The following DGKB variants were observed in gnomAD, a reference collection of about 807,000 sequenced individuals.
The protein encoded by DGKB is diacylglycerol kinase beta, also known as 90 kDa diacylglycerol kinase.
In DGKB, 67 loss-of-function variants were observed where a neutral mutation model predicts 114.3. That is an observed-to-expected ratio of 0.59 (90% CI 0.48 to 0.72). DGKB has a LOEUF of 0.72. DGKB is among the 30% of genes least tolerant of loss of function. The pLI is 0.00. For synonymous variants in DGKB, 398 were observed against 323.1 expected (o/e 1.23, Z -2.49); for missense variants, 907 against 975.2 (o/e 0.93, Z 0.93).
Position 14,170,145 on chromosome 7 carries a change from A to AAAAAAAAG in DGKB, c.2304+6693_2304+6694insCTTTTTTT, listed in dbSNP as rs1369239302. Among the ~76,000 whole-genome samples the AAAAAAAAG allele has an allele frequency of 1.6e-3, 162 of 99,996 alleles. 2 individuals carry two copies. Among genetic ancestry groups the AAAAAAAAG allele is most frequent in the Non-Finnish European group, 2.6e-3 (133 of 50,586 alleles). The allele number at this position is 99,996 out of a possible 152,430, so 65.6% of individuals were successfully genotyped here. On this transcript the variant is annotated intron_variant, in intron 25 of 25. Coordinates refer to ENST00000402815, the MANE Select transcript of DGKB (RefSeq NM_001350709.2). ...GAGAAACTCCATCTCAAAAAAAAAA[A>AAAAAAAAG]AAAGAAAGAAAGAAAGAAAGAAAGA...
chr7:14,239,031 G>C (rs928203882), intron 23 of DGKB, among the ~76,000 whole-genome samples: 3 of 151,972 alleles, frequency 2.0e-5, no homozygotes, highest in Non-Finnish European at 4.4e-5. Flanking sequence ...CACTCCCACT[G>C]CCTAACTTTG....
chr7:14,225,064 G>A (rs1213870606), intron 23 of DGKB, among the ~76,000 whole-genome samples: 1 of 151,956 alleles, frequency 6.6e-6, no homozygotes, highest in East Asian at 1.9e-4. Flanking sequence ...CATTTCCAAA[G>A]AATCCACCAA....
At chr7:14,517,973 A>C (rs1789120726) in intron 20 of DGKB, among the ~76,000 whole-genome samples, 1 of 152,160 alleles carries the variant, frequency 6.6e-6, no homozygotes, top group Admixed American at 6.6e-5. Context: ...ATACGCCCAA[A>C]GGGATATTAA....
At chr7:14,468,644 CAAAT>C in intron 21 of DGKB, among the ~76,000 whole-genome samples, 1 of 151,304 alleles carries the variant, frequency 6.6e-6, no homozygotes, top group Non-Finnish European at 1.5e-5. Flanking sequence ...TTTAATTTAA[CAAAT>C]ACTTCCTGAA....
At chr7:14,918,615 C>G (rs76797622) in intron 1 of DGKB, among the ~76,000 whole-genome samples, 2,128 of 151,924 alleles carry the variant, frequency 0.014, 54 homozygotes, top group African/African-American at 0.049. Flanking sequence ...CAAAGGAGAG[C>G]TAAATAAATA....
In DGKB at chr7:14,393,022, G is replaced by A. The variant is rs1821631295; in HGVS notation, c.1836-47631C>T. Among the ~76,000 whole-genome samples, 4 of 2,614 alleles carry A rather than the reference G, an allele frequency of 1.5e-3. No individual in the cohort carries two copies. In the South Asian group the frequency reaches 0.059, roughly 38 times the overall value. The allele number at this position is 2,614 out of a possible 152,430, so 1.7% of individuals were successfully genotyped here. On this transcript the variant is annotated intron_variant, in intron 21 of 25. Coordinates refer to ENST00000402815, the MANE Select transcript of DGKB (RefSeq NM_001350709.2). ...TTTTTTTTTTTTGAGACGGAGTCTCGCTATCGCCCAGGCTGGAGTGCAGTG... is the reference window on the plus strand; with the variant it reads ...TTTTTTTTTTTTGAGACGGAGTCTCACTATCGCCCAGGCTGGAGTGCAGTG...
At chr7:14,431,374 A>AT (rs1369560043) in intron 21 of DGKB, among the ~76,000 whole-genome samples, 3 of 152,172 alleles carry the variant, frequency 2.0e-5, no homozygotes, top group South Asian at 4.2e-4. Context: ...TACAACAGAC[A>AT]TTTTTTCTGC....
At chr7:14,461,146 C>A (rs1238522552) in intron 21 of DGKB, among the ~76,000 whole-genome samples, 3 of 152,124 alleles carry the variant, frequency 2.0e-5, no homozygotes, top group Non-Finnish European at 4.4e-5. Context: ...CAGGAAAGAG[C>A]AGGAAAGGTC....
intron 21 of DGKB, among the ~76,000 whole-genome samples, chr7:14,463,535 T>C (rs933450590): frequency 1.3e-5 from 2 of 152,176 alleles, no homozygotes; most frequent in Admixed American, 1.3e-4. Context: ...ACTGCACTCA[T>C]CTTACAGTAT....
rs1193023157 is a variant in DGKB at position 14,467,168 on chromosome 7, ATATT to A, written c.1835+10989_1835+10992del. On this transcript the variant is annotated intron_variant, in intron 21 of 25. Transcript: ENST00000402815. ...TTTATATAAGCTAATTGTCATAAAT[ATATT>A]TATTTATATAATTATTTTATTACTT... is the stretch of plus-strand genomic sequence containing the variant. 5.3e-5 allele frequency among the ~76,000 whole-genome samples: 8 copies of A among 149,630 alleles called. No homozygotes were observed. The East Asian group carries it at 1.2e-3, about 22-fold the overall frequency.
chr7:14,522,448 A>G (rs1789943442), intron 20 of DGKB, among the ~76,000 whole-genome samples: 1 of 152,172 alleles, frequency 6.6e-6, no homozygotes, highest in South Asian at 2.1e-4. Flanking sequence ...AATGCACCAT[A>G]TAAATGTGCA....
intron 22 of DGKB, among the ~76,000 whole-genome samples, chr7:14,343,430 C>T (rs1177801332): frequency 6.6e-6 from 1 of 151,682 alleles, no homozygotes; most frequent in Non-Finnish European, 1.5e-5. Context: ...GGATCAAAAC[C>T]ACTTAATTTT....
intron 23 of DGKB, among the ~76,000 whole-genome samples, chr7:14,230,294 G>A (rs1056325741): frequency 1.3e-5 from 2 of 151,882 alleles, no homozygotes; most frequent in African/African-American, 4.8e-5. Flanking sequence ...CACATAAATT[G>A]ATGAATGCTT....
At chr7:14,928,304 C>T (rs1187115390) in intron 1 of DGKB, among the ~76,000 whole-genome samples, 1 of 151,884 alleles carries the variant, frequency 6.6e-6, no homozygotes, top group Non-Finnish European at 1.5e-5. Context: ...CTTTAACCAT[C>T]TAAATACCTA....
intron 21 of DGKB, among the ~76,000 whole-genome samples, chr7:14,422,044 TA>T (rs1826796526): frequency 6.6e-6 from 1 of 152,040 alleles, no homozygotes; most frequent in Admixed American, 6.6e-5. Flanking sequence ...AAGGTATATA[TA>T]AAAATATTGA....
intron 13 of DGKB, among the ~76,000 whole-genome samples, chr7:14,667,531 C>A (rs4027159): frequency 0.84 from 127,639 of 152,016 alleles, 53,663 homozygotes; most frequent in East Asian, 0.89. Flanking sequence ...GAAGATTAGC[C>A]AAAGAAACTG....
intron 16 of DGKB, among the ~76,000 whole-genome samples, chr7:14,611,923 T>C (rs1250951445): frequency 6.6e-6 from 1 of 151,720 alleles, no homozygotes; most frequent in Non-Finnish European, 1.5e-5. Context: ...GTGGAAAGTT[T>C]TCTTTTTTTG....
At chr7:14,626,803 C>T (rs1281037689) in intron 14 of DGKB, among the ~76,000 whole-genome samples, 5 of 151,952 alleles carry the variant, frequency 3.3e-5, no homozygotes, top group Non-Finnish European at 5.9e-5. Flanking sequence ...ATATAATAAA[C>T]GATATAAGGT....
chr7:14,705,780 C>T lies in DGKB; in HGVS notation c.467-4050G>A, dbSNP rs555326047. Among the ~76,000 whole-genome samples, 788 of 151,814 alleles carry T rather than the reference C, an allele frequency of 5.2e-3. 5 individuals carry two copies. Among genetic ancestry groups the T allele is most frequent in the African/African-American group, 0.018 (733 of 41,376 alleles). On this transcript the variant is annotated intron_variant, in intron 6 of 25. Coordinates refer to ENST00000402815, the MANE Select transcript of DGKB (RefSeq NM_001350709.2). ...AAGCAAATGCTAAGAGATTTTGTCA[C>T]CACCAGACCTGCCCTAAAAGAGCTC...
Sources: allele counts gnomAD v4.1 joint callset (sites outside exome capture counted in the v4.1 genomes callset), GRCh38; gene constraint gnomAD v4.1.1; transcripts MANE v1.5; gene names NCBI Gene and HGNC (gene_info 2026-07-23, HGNC 2026-07-21).